The following ZNF578 variants were observed in gnomAD, a reference collection of about 807,000 sequenced individuals.
The protein encoded by ZNF578 is Putative chemokine-related protein B42.
A neutral mutation model predicts 8.3 loss-of-function variants in ZNF578; 8 were observed. That is an observed-to-expected ratio of 0.96 (90% CI 0.56 to 1.74). The LOEUF is 1.74. Ranked by LOEUF, ZNF578 falls within the 40% of genes most tolerant of loss-of-function variation. ZNF578 has a pLI of 0.00. For synonymous variants in ZNF578, 206 were observed against 232.2 expected (o/e 0.89, Z 1.03); for missense variants, 726 against 707.5 (o/e 1.03, Z -0.30).
At chr19:52,462,370 C>T (rs147505418) in intron 2 of ZNF578, among the ~76,000 whole-genome samples, 2,133 of 152,288 alleles carry the variant, frequency 0.014, 50 homozygotes, top group African/African-American at 0.048. Context: ...ATTAACATTC[C>T]TTCCTCCTCT....
intron 2 of ZNF578, among the ~76,000 whole-genome samples, chr19:52,480,900 GATAATAATAATAATAATAATA>G (rs57989857): frequency 2.8e-4 from 39 of 139,332 alleles, no homozygotes; most frequent in African/African-American, 8.1e-4. Context: ...CATCTCAAAA[GATAATAATAATAATAATAATA>G]ATAATAATAA....
At chr19:52,469,935 C>A (rs1399256855) in intron 2 of ZNF578, among the ~76,000 whole-genome samples, 2 of 152,066 alleles carry the variant, frequency 1.3e-5, no homozygotes, top group Non-Finnish European at 2.9e-5. Context: ...ATAATTGGTG[C>A]ACACTCAGCC....
intron 2 of ZNF578, among the ~76,000 whole-genome samples, chr19:52,487,463 A>G (rs372661909): frequency 6.6e-6 from 1 of 152,200 alleles, no homozygotes; most frequent in South Asian, 2.1e-4. Flanking sequence ...TAAGACGTAC[A>G]TTCTATAAAT....
intron 1 of ZNF578, chr19:52,455,884 G>A (rs969351781): frequency 2.0e-5 from 3 of 152,204 alleles, no homozygotes; most frequent in African/African-American, 7.2e-5. Flanking sequence ...AGTTGAGGGA[G>A]AAAAATGTTT....
chr19:52,509,050 C>T (rs377245807), intron 5 of ZNF578, among the ~76,000 whole-genome samples: 2 of 151,638 alleles, frequency 1.3e-5, no homozygotes, highest in East Asian at 3.9e-4. Context: ...AACAGGCACC[C>T]GCCACCACAC....
In ZNF578 at chr19:52,499,532, A is replaced by C. The variant is rs1179707366; in HGVS notation, c.-19-2295A>C. Among the ~76,000 whole-genome samples the C allele has an allele frequency of 2.0e-5, 3 of 152,214 alleles. No homozygotes were observed. In the East Asian group the frequency reaches 5.8e-4, roughly 29 times the overall value. On this transcript the variant is annotated intron_variant, in intron 3 of 5. Coordinates refer to ENST00000421239, the MANE Select transcript of ZNF578 (RefSeq NM_001099694.2). ...TTGCAGTCTGCACATCTCAGATGAG[A>C]GTGAATGTGTACTTCCGAAAACTTA...
chr19:52,488,390 TA>T lies in ZNF578; in HGVS notation c.-121-2927del, dbSNP rs1004860641. Among the ~76,000 whole-genome samples the T allele has an allele frequency of 2.4e-4, 36 of 151,936 alleles. 1 individual carries two copies. The highest frequency in any genetic ancestry group is 8.7e-4 in the African/African-American group (36 of 41,382). Reference sequence around the variant, plus strand: ...CAACACAGTGAAACTCAATCTCTACTAAAAAAATACCAAAATTTCCATCCTG... The same window carrying T: ...CAACACAGTGAAACTCAATCTCTACTAAAAAATACCAAAATTTCCATCCTG... On this transcript the variant is annotated intron_variant, in intron 2 of 5. Transcript: ENST00000421239.
intron 2 of ZNF578, among the ~76,000 whole-genome samples, chr19:52,489,371 C>T (rs751225953): frequency 4.6e-5 from 7 of 152,104 alleles, no homozygotes; most frequent in Non-Finnish European, 7.3e-5. Flanking sequence ...GGGCGAATCA[C>T]CTGACGTCGG....
chr19:52,467,774 C>A (rs1330337757), intron 2 of ZNF578, among the ~76,000 whole-genome samples: 1 of 152,114 alleles, frequency 6.6e-6, no homozygotes, highest in Non-Finnish European at 1.5e-5. Context: ...AACATTAATA[C>A]ATTTCCTATC....
chr19:52,480,596 A>T (rs1015316004), intron 2 of ZNF578, among the ~76,000 whole-genome samples: 13 of 140,372 alleles, frequency 9.3e-5, no homozygotes, highest in South Asian at 4.5e-4. Context: ...GTAAGGATTT[A>T]AAAAAAAAAA....
At chr19:52,457,231 G>C (rs1299222125) in intron 2 of ZNF578, 1 of 151,994 alleles carries the variant, frequency 6.6e-6, no homozygotes, top group Non-Finnish European at 1.5e-5. Flanking sequence ...TGTACCCTGG[G>C]GGGAAGAATG....
chr19:52,507,465 C>A (rs146477286), intron 5 of ZNF578, among the ~76,000 whole-genome samples: 3 of 151,582 alleles, frequency 2.0e-5, no homozygotes, highest in Non-Finnish European at 4.4e-5. Flanking sequence ...GGCTGAGGCA[C>A]GAGACTCTCT....
intron 3 of ZNF578, among the ~76,000 whole-genome samples, chr19:52,498,098 C>T (rs1456551472): frequency 6.6e-6 from 1 of 152,140 alleles, no homozygotes. Context: ...GCCATCAGAA[C>T]CTTACAACTC....
At chr19:52,493,090 C>T (rs1354703361) in intron 3 of ZNF578, among the ~76,000 whole-genome samples, 1 of 152,156 alleles carries the variant, frequency 6.6e-6, no homozygotes, top group Non-Finnish European at 1.5e-5. Context: ...AGTGTATACA[C>T]TTCTATAGCG....
intron 2 of ZNF578, among the ~76,000 whole-genome samples, chr19:52,483,457 C>G (rs1460026010): frequency 3.9e-5 from 6 of 152,150 alleles, no homozygotes; most frequent in Admixed American, 3.9e-4. Context: ...AGCACGAGTC[C>G]TATTCACGTG....
At chr19:52,454,704 G>A (rs942775878) in intron 1 of ZNF578, 2 of 152,212 alleles carry the variant, frequency 1.3e-5, no homozygotes, top group Non-Finnish European at 2.9e-5. Flanking sequence ...AAGTAGAGGT[G>A]AAAACTACTA....
intron 2 of ZNF578, among the ~76,000 whole-genome samples, chr19:52,478,156 G>A (rs556406147): frequency 6.6e-6 from 1 of 152,338 alleles, no homozygotes; most frequent in African/African-American, 2.4e-5. Flanking sequence ...GTATACACTA[G>A]CAGACAAACA....
intron 2 of ZNF578, among the ~76,000 whole-genome samples, chr19:52,476,954 C>T (rs1673910): frequency 0.16 from 23,735 of 152,098 alleles, 3,705 homozygotes; most frequent in African/African-American, 0.39. Context: ...ACCCTTTGTT[C>T]CCTCATTTCT....
intron 3 of ZNF578, among the ~76,000 whole-genome samples, chr19:52,498,244 C>T: frequency 6.6e-6 from 1 of 151,988 alleles, no homozygotes; most frequent in South Asian, 2.1e-4. Context: ...GCAACCTCCA[C>T]CTCTCGGGTT....
Sources: gnomAD v4.1 joint callset for allele counts (sites outside exome capture counted in the v4.1 genomes callset) on GRCh38, gnomAD v4.1.1 for gene constraint, MANE v1.5 for transcripts, NCBI Gene and HGNC (gene_info 2026-07-23, HGNC 2026-07-21) for gene names.